GPHN: variants seen among roughly 807,000 people sequenced by gnomAD.
The protein encoded by GPHN is gephyrin.
In GPHN, 17 loss-of-function variants were observed where a neutral mutation model predicts 95.5. That is an observed-to-expected ratio of 0.18 (90% CI 0.12 to 0.27). The LOEUF (loss-of-function observed/expected upper bound fraction) is 0.27, where lower values mean the gene tolerates loss of function less well. Among genes scored for constraint, GPHN ranks in the 10% least tolerant of loss-of-function variants. The pLI is 1.00. For missense variants in GPHN, 660 were observed against 978.1 expected, an observed-to-expected ratio of 0.67 and a Z score of 4.34; for synonymous variants, 320 against 322.5, an observed-to-expected ratio of 0.99 and a Z score of 0.08.
the GPHN span, chr14:67,198,883 G>T: frequency 1.5e-6 from 1 of 676,282 alleles, no homozygotes; most frequent in Non-Finnish European, 2.7e-6. Context: ...TCAATGATAG[G>T]GGTCATACCT....
chr14:66,823,411 T>C (rs1288175665), intron 3 of GPHN: 1 of 152,240 alleles, frequency 6.6e-6, no homozygotes, highest in African/African-American at 2.4e-5. Flanking sequence ...CTTCGGTTTA[T>C]GAAACCACTT....
At chr14:67,355,449 CAAAAAAAAAAAAAA>C in the GPHN span, among the ~76,000 whole-genome samples, 37 of 18,960 alleles carry the variant, frequency 2.0e-3, no homozygotes, top group Admixed American at 7.1e-3. Context: ...GACCCTGTCT[CAAAAAAAAAAAAAA>C]AAAAAAAAAA....
chr14:66,781,641 T>C (rs1336961686), intron 3 of GPHN, among the ~76,000 whole-genome samples: 28 of 152,240 alleles, frequency 1.8e-4, no homozygotes, highest in Admixed American at 1.8e-3. Flanking sequence ...TTAAATCATA[T>C]TGTATGCAGT....
At chr14:67,349,937 A>G in the GPHN span, among the ~76,000 whole-genome samples, 1 of 152,230 alleles carries the variant, frequency 6.6e-6, no homozygotes, top group Admixed American at 6.5e-5. Flanking sequence ...GGAAAATAAT[A>G]AAATCAGAAA....
At chr14:67,574,450 CAG>C in the GPHN span, 36 of 1,402,084 alleles carry the variant, frequency 2.6e-5, no homozygotes, top group Non-Finnish European at 3.4e-5. The surrounding 1 kb of genome is among the most constrained non-coding windows in gnomAD (Gnocchi z 4.2). Flanking sequence ...TCCTGCGAAT[CAG>C]GGGAGCCAGG....
chr14:67,301,907 TAA>T, the GPHN span: 1 of 1,510,356 alleles, frequency 6.6e-7, no homozygotes, highest in Admixed American at 2.2e-5. Context: ...GTACATAGGT[TAA>T]AAATCACTCT....
chr14:67,102,028 C>A (rs900169857), intron 13 of GPHN, among the ~76,000 whole-genome samples: 2 of 151,948 alleles, frequency 1.3e-5, no homozygotes, highest in Non-Finnish European at 2.9e-5. Flanking sequence ...CCCGCCACCA[C>A]GCCCGCCTAA....
the GPHN span, among the ~76,000 whole-genome samples, chr14:67,604,889 T>G: frequency 6.6e-6 from 1 of 152,170 alleles, no homozygotes; most frequent in Non-Finnish European, 1.5e-5. Flanking sequence ...CTAATTGAGA[T>G]AGTGCCTTTG....
chr14:67,596,086 G>C, the GPHN span, among the ~76,000 whole-genome samples: 1 of 152,014 alleles, frequency 6.6e-6, no homozygotes, highest in Admixed American at 6.6e-5. Context: ...ATTGGTGTGT[G>C]TTTCTTTCAT....
At chr14:67,686,484 A>T in the GPHN span, among the ~76,000 whole-genome samples, 1 of 151,990 alleles carries the variant, frequency 6.6e-6, no homozygotes, top group Admixed American at 6.6e-5. Flanking sequence ...ACTAAAATAG[A>T]AAAAATTGGC....
chr14:66,834,169 C>T (rs1449958115), intron 4 of GPHN, among the ~76,000 whole-genome samples: 1 of 152,164 alleles, frequency 6.6e-6, no homozygotes, highest in African/African-American at 2.4e-5. Context: ...CTCTGCATGA[C>T]ATTTCTGATA....
chr14:66,939,285 A>C (rs1242444542), intron 8 of GPHN, among the ~76,000 whole-genome samples: 1 of 152,202 alleles, frequency 6.6e-6, no homozygotes, highest in African/African-American at 2.4e-5. Flanking sequence ...TATATACCTG[A>C]TAAGAGATTA....
intron 18 of GPHN, among the ~76,000 whole-genome samples, chr14:67,144,274 TATATATATATATAC>T (rs1432639227): frequency 0.031 from 3,622 of 115,532 alleles, 173 homozygotes; most frequent in Non-Finnish European, 0.041. Flanking sequence ...TATATATATA[TATATATATATATAC>T]ACACACACAT....
the GPHN span, chr14:67,338,591 G>A: frequency 1.9e-6 from 3 of 1,603,716 alleles, no homozygotes; most frequent in Non-Finnish European, 2.6e-6. Context: ...GCCAGTGTTA[G>A]GGTTTCTCAA....
At chr14:66,915,961 TC>T (rs772789488) in intron 5 of GPHN, 41 bp from the exon 6 acceptor site, 46 of 1,041,786 alleles carry the variant, frequency 4.4e-5, no homozygotes, top group Non-Finnish European at 6.7e-5. Context: ...AACCGGGCAT[TC>T]ATAGCAATTT....
In GPHN at chr14:66,835,319, G is replaced by A. The variant is rs543064002; in HGVS notation, c.294+10753G>A. ...CTAGCTTTTGAATGTGTTTGCTCTT[G>A]CTTTTCTAGTTCTTTTAATTGTGAT... is the stretch of plus-strand genomic sequence containing the variant. On this transcript the variant is annotated intron_variant, in intron 4 of 22. Coordinates refer to ENST00000478722, the MANE Select transcript of GPHN (RefSeq NM_020806.5). 6.0e-5 allele frequency among the ~76,000 whole-genome samples: 9 copies of A among 151,066 alleles called. 1 individual carries two copies. In the South Asian group the frequency reaches 1.9e-3, roughly 32 times the overall value.
At chr14:66,777,247 A>C (rs913239267) in intron 3 of GPHN, among the ~76,000 whole-genome samples, 31 of 152,202 alleles carry the variant, frequency 2.0e-4, no homozygotes, top group African/African-American at 5.1e-4. Flanking sequence ...TTCCTCGACA[A>C]ATACACTCTC....
the GPHN span, among the ~76,000 whole-genome samples, chr14:67,532,072 G>C: frequency 3.3e-5 from 5 of 152,152 alleles, no homozygotes; most frequent in African/African-American, 1.2e-4. Context: ...ATCCCCACGA[G>C]CTATAAAGCT....
At chr14:67,179,441 G>A (rs2083203693) in intron 21 of GPHN, 137 bp from the exon 22 acceptor site, 2 of 685,736 alleles carry the variant, frequency 2.9e-6, no homozygotes, top group African/African-American at 1.8e-5. Context: ...AGAACATAAG[G>A]TGGTAGTGAC....
Sources: gnomAD v4.1 joint callset for allele counts (sites outside exome capture counted in the v4.1 genomes callset) on GRCh38, gnomAD v4.1.1 for gene constraint, Gnocchi (gnomAD v3.1) non-coding constraint, MANE v1.5 for transcripts, NCBI Gene and HGNC (gene_info 2026-07-23, HGNC 2026-07-21) for gene names.